SHQ1: variants seen among roughly 807,000 people sequenced by gnomAD.
SHQ1 encodes SHQ1, H/ACA ribonucleoprotein assembly factor, also known as protein SHQ1 homolog.
SHQ1 carries 49 observed loss-of-function variants against 53.8 expected under a neutral mutation model. That is an observed-to-expected ratio of 0.91 (90% CI 0.72 to 1.16). The LOEUF (loss-of-function observed/expected upper bound fraction) is 1.16, where lower values mean the gene tolerates loss of function less well. SHQ1 is among the 50% of genes most tolerant of loss of function. SHQ1 has a pLI of 0.00. For missense variants in SHQ1, 738 were observed against 683.1 expected, an observed-to-expected ratio of 1.08 and a Z score of -0.90; for synonymous variants, 243 against 251.0, an observed-to-expected ratio of 0.97 and a Z score of 0.30.
intron 10 of SHQ1, among the ~76,000 whole-genome samples, 188 bp from the exon 11 acceptor site, chr3:72,751,024 G>T (rs1417648511): frequency 6.6e-6 from 1 of 152,146 alleles, no homozygotes; most frequent in Non-Finnish European, 1.5e-5. Flanking sequence ...GGGAAACACA[G>T]ATTTCTTTTA....
intron 4 of SHQ1, among the ~76,000 whole-genome samples, chr3:72,836,650 C>T (rs1422734193): frequency 1.3e-5 from 2 of 152,188 alleles, no homozygotes; most frequent in Non-Finnish European, 2.9e-5. Context: ...TCACATGCAG[C>T]AGCCCTGTTC....
At chr3:72,746,271 C>T (rs1172705587), downstream of SHQ1, among the ~76,000 whole-genome samples, 2 of 152,170 alleles carry the variant, frequency 1.3e-5, no homozygotes, top group Non-Finnish European at 2.9e-5. Context: ...CACTGAGCTG[C>T]GACTAGGCAG....
Position 72,750,226 on chromosome 3 carries a change from T to C in SHQ1, c.*58A>G. 1 of 1,339,610 alleles carries C rather than the reference T, an allele frequency of 7.5e-7. No individual in the cohort carries two copies. The highest frequency in any genetic ancestry group is 1.0e-6 in the Non-Finnish European group (1 of 969,056). The allele number at this position is 1,339,610 out of a possible 1,614,324, so 83.0% of individuals were successfully genotyped here. A position where few individuals can be genotyped will look rare whatever the true frequency, so the allele number is the denominator to read the frequency against. Reference sequence around the variant, plus strand: ...CAAAGTGAAAATGAAGAATTCTCATTCGGTAAATGAAACCCAATCTACCAT... The same window carrying C: ...CAAAGTGAAAATGAAGAATTCTCATCCGGTAAATGAAACCCAATCTACCAT... On this transcript the variant is annotated 3_prime_UTR_variant, in exon 11 of 11. Transcript: ENST00000325599.
the SHQ1 span, among the ~76,000 whole-genome samples, chr3:72,734,310 G>A: frequency 4.9e-3 from 736 of 151,328 alleles, 13 homozygotes; most frequent in Non-Finnish European, 7.6e-3. Context: ...AGGCTGGAGT[G>A]CAGTGATGTG....
intron 9 of SHQ1, among the ~76,000 whole-genome samples, chr3:72,805,263 C>T (rs1161858993): frequency 3.3e-5 from 5 of 152,118 alleles, no homozygotes; most frequent in South Asian, 2.1e-4. Flanking sequence ...GACTGAAAGT[C>T]GTTATGTGGT....
chr3:72,839,718 A>G (rs1708105061), intron 4 of SHQ1, among the ~76,000 whole-genome samples: 1 of 152,076 alleles, frequency 6.6e-6, no homozygotes, highest in African/African-American at 2.4e-5. Context: ...GTAAATTCAA[A>G]TATGTCTTAA....
chr3:72,770,931 T>C (rs1453448052), intron 10 of SHQ1, among the ~76,000 whole-genome samples: 1 of 152,224 alleles, frequency 6.6e-6, no homozygotes, highest in Non-Finnish European at 1.5e-5. Context: ...GGGAACCCTG[T>C]GCAAAGATTG....
At chr3:72,740,927 T>C in the SHQ1 span, among the ~76,000 whole-genome samples, 1 of 152,196 alleles carries the variant, frequency 6.6e-6, no homozygotes, top group African/African-American at 2.4e-5. Flanking sequence ...ACCTTGTGAT[T>C]ATCCTAACGC....
intron 5 of SHQ1, among the ~76,000 whole-genome samples, chr3:72,825,363 C>CACACAT (rs764111426): frequency 3.2e-5 from 3 of 95,048 alleles, no homozygotes; most frequent in African/African-American, 1.2e-4. Context: ...AAAGGGGCTA[C>CACACAT]ACACACACAC....
intron 1 of SHQ1, among the ~76,000 whole-genome samples, chr3:72,847,592 G>C (rs1225472013): frequency 7.1e-6 from 1 of 141,526 alleles, no homozygotes; most frequent in Admixed American, 6.8e-5. Context: ...AGTGCTGACA[G>C]ACCCTCACGG....
chr3:72,777,042 C>CA (rs1335677229), intron 10 of SHQ1, among the ~76,000 whole-genome samples: 1 of 152,024 alleles, frequency 6.6e-6, no homozygotes, highest in Admixed American at 6.6e-5. Flanking sequence ...GCATAACATA[C>CA]AAAAAATCTA....
Position 72,848,269 on chromosome 3 carries a change from G to C in SHQ1, c.72C>G (p.Ala24=). ...AGTAGACGTCGAACTCGGAGACCCGGGCGTAGGGCACGCGGATGGCGATAG... is the reference window on the plus strand; with the variant it reads ...AGTAGACGTCGAACTCGGAGACCCGCGCGTAGGGCACGCGGATGGCGATAG... ...FLTIAIRVPY[A]RVSEFDVYFE... is the part of the protein sequence containing the mutation. Residue 24 remains alanine (A), a synonymous_variant, in exon 1 of 11, where the codon GCC becomes GCG. Coordinates refer to ENST00000325599, the MANE Select transcript of SHQ1 (RefSeq NM_018130.3). The C allele has an allele frequency of 6.2e-7, 1 of 1,614,196 alleles. No homozygotes were observed. Among genetic ancestry groups the C allele is most frequent in the Non-Finnish European group, 8.5e-7 (1 of 1,180,032 alleles).
At chr3:72,814,654 T>A (rs1473550691) in intron 8 of SHQ1, 1 of 152,254 alleles carries the variant, frequency 6.6e-6, no homozygotes, top group Non-Finnish European at 1.5e-5. Context: ...GATACTTTTT[T>A]AAAGTTTCTG....
At chr3:72,795,986 C>T (rs1706601776) in intron 9 of SHQ1, among the ~76,000 whole-genome samples, 1 of 151,236 alleles carries the variant, frequency 6.6e-6, no homozygotes, top group Non-Finnish European at 1.5e-5. Flanking sequence ...GCCTGTAGTC[C>T]CAGCTACTCG....
intron 9 of SHQ1, chr3:72,795,248 T>C (rs1447978865): frequency 6.6e-6 from 1 of 152,214 alleles, no homozygotes; most frequent in Non-Finnish European, 1.5e-5. Context: ...GAAGAGAAAC[T>C]AACACTTAGA....
chr3:72,828,769 G>A (rs1274890258), intron 5 of SHQ1, among the ~76,000 whole-genome samples: 2 of 152,164 alleles, frequency 1.3e-5, no homozygotes, highest in Non-Finnish European at 2.9e-5. Flanking sequence ...GGTGTAAAAC[G>A]TGAGCAGGGA....
At chr3:72,787,619 A>G (rs950651270) in intron 10 of SHQ1, among the ~76,000 whole-genome samples, 2 of 152,248 alleles carry the variant, frequency 1.3e-5, no homozygotes, top group Non-Finnish European at 2.9e-5. Flanking sequence ...GAAATGGTTT[A>G]TAAGGTATTA....
At chr3:72,768,800 T>G (rs1705787435) in intron 10 of SHQ1, among the ~76,000 whole-genome samples, 1 of 152,184 alleles carries the variant, frequency 6.6e-6, no homozygotes. Flanking sequence ...ACAACAGCGT[T>G]CAACATGAGC....
At chr3:72,746,186 C>T (rs115721400), downstream of SHQ1, among the ~76,000 whole-genome samples, 2,133 of 152,274 alleles carry the variant, frequency 0.014, 42 homozygotes, top group African/African-American at 0.046. Flanking sequence ...GAGTCCCCCC[C>T]TCGTGAGCCA....
Sources: allele counts gnomAD v4.1 joint callset (sites outside exome capture counted in the v4.1 genomes callset), GRCh38; gene constraint gnomAD v4.1.1; transcripts MANE v1.5; gene names NCBI Gene and HGNC (gene_info 2026-07-23, HGNC 2026-07-21).